Variants in QTGAL observed in about 807,000 individuals in gnomAD.
QTGAL encodes queuosine-tRNA galactosyltransferase.
At chr17:82,949,911 G>T in the QTGAL span, 1 of 152,238 alleles carries the variant, frequency 6.6e-6, no homozygotes, top group Non-Finnish European at 1.5e-5. Flanking sequence ...GGATTTGGAG[G>T]TGTGGAGGAC....
At chr17:82,997,949 C>A in the QTGAL span, among the ~76,000 whole-genome samples, 3,645 of 123,638 alleles carry the variant, frequency 0.029, 56 homozygotes, top group Non-Finnish European at 0.04. Context: ...ATATATATAT[C>A]TATATCTATC....
the QTGAL span, among the ~76,000 whole-genome samples, chr17:83,035,868 TGC>T: frequency 8.6e-6 from 1 of 116,714 alleles, no homozygotes; most frequent in Non-Finnish European, 1.9e-5. Context: ...GAGGGCGGTT[TGC>T]ACGTGTGTGA....
the QTGAL span, among the ~76,000 whole-genome samples, chr17:82,954,205 T>A: frequency 2.6e-5 from 4 of 152,148 alleles, no homozygotes; most frequent in African/African-American, 4.8e-5. Flanking sequence ...AGTCAAATTG[T>A]CTCTGTTTGC....
At chr17:83,016,586 G>GA in the QTGAL span, among the ~76,000 whole-genome samples, 1 of 148,632 alleles carries the variant, frequency 6.7e-6, no homozygotes, top group African/African-American at 2.5e-5. Flanking sequence ...GAGTGGAGGA[G>GA]GGAGAAGGGG....
the QTGAL span, among the ~76,000 whole-genome samples, chr17:83,032,996 T>A: frequency 1.3e-5 from 2 of 152,156 alleles, no homozygotes; most frequent in Admixed American, 1.3e-4. Context: ...GGCTCCCGCG[T>A]AAATCCCCGC....
chr17:83,045,089 A>G, the QTGAL span, among the ~76,000 whole-genome samples: 1 of 152,260 alleles, frequency 6.6e-6, no homozygotes, highest in African/African-American at 2.4e-5. Context: ...AGAGCTAATA[A>G]TTGTAGGATA....
At chr17:82,952,290 A>G in the QTGAL span, among the ~76,000 whole-genome samples, 3 of 152,146 alleles carry the variant, frequency 2.0e-5, no homozygotes, top group Admixed American at 6.5e-5. Flanking sequence ...ACAGGTGCCC[A>G]TGTCTGTGTG....
chr17:82,958,373 C>T, the QTGAL span, among the ~76,000 whole-genome samples: 2 of 152,248 alleles, frequency 1.3e-5, no homozygotes, highest in African/African-American at 2.4e-5. Flanking sequence ...GTCAAGGGAG[C>T]TGTGTCCGTG....
chr17:82,990,032 ATCT>A, the QTGAL span, among the ~76,000 whole-genome samples: 1 of 152,240 alleles, frequency 6.6e-6, no homozygotes, highest in South Asian at 2.1e-4. Context: ...GCTCACATTC[ATCT>A]TCTCTGCGGC....
the QTGAL span, among the ~76,000 whole-genome samples, chr17:82,987,965 T>C: frequency 6.6e-6 from 1 of 152,184 alleles, no homozygotes; most frequent in Non-Finnish European, 1.5e-5. Context: ...GGTTTGTAGT[T>C]CTCCTTGAAG....
chr17:82,951,707 C>A, the QTGAL span, among the ~76,000 whole-genome samples: 31 of 145,536 alleles, frequency 2.1e-4, no homozygotes, highest in African/African-American at 6.9e-4. Flanking sequence ...ACGTGCGACT[C>A]TTCCTTTCAC....
the QTGAL span, among the ~76,000 whole-genome samples, chr17:82,955,474 C>T: frequency 6.6e-6 from 1 of 152,100 alleles, no homozygotes; most frequent in South Asian, 2.1e-4. Flanking sequence ...GTCAGAATGG[C>T]GATTTCTAAA....
chr17:83,037,527 C>T, the QTGAL span, among the ~76,000 whole-genome samples: 9,640 of 152,240 alleles, frequency 0.063, 1,045 homozygotes, highest in African/African-American at 0.22. The surrounding 1 kb of genome is among the most constrained non-coding windows in gnomAD (Gnocchi z 5.2). Flanking sequence ...GGGAGGCGAG[C>T]GCCTGTTCTG....
At chr17:82,946,930 C>T in the QTGAL span, 1 of 1,569,594 alleles carries the variant, frequency 6.4e-7, no homozygotes, top group Non-Finnish European at 8.6e-7. Flanking sequence ...AGTCCTGGCC[C>T]TCCTGCAAGT....
chr17:82,965,200 CG>C, the QTGAL span, among the ~76,000 whole-genome samples: 2 of 139,378 alleles, frequency 1.4e-5, no homozygotes, highest in African/African-American at 5.7e-5. Context: ...TGCACTCCCA[CG>C]GGGGGGACGG....
chr17:82,963,372 G>A, the QTGAL span, among the ~76,000 whole-genome samples: 19 of 152,292 alleles, frequency 1.2e-4, no homozygotes, highest in East Asian at 3.5e-3. Flanking sequence ...CAGTCACCAC[G>A]CGGGGACAGA....
chr17:83,000,161 C>A, the QTGAL span, among the ~76,000 whole-genome samples: 4 of 152,228 alleles, frequency 2.6e-5, no homozygotes, highest in African/African-American at 4.8e-5. Context: ...CGGGGTTTCA[C>A]CATCTTGGCC....
the QTGAL span, chr17:83,035,025 A>G: frequency 6.3e-7 from 1 of 1,588,718 alleles, no homozygotes; most frequent in South Asian, 1.1e-5. Flanking sequence ...AACAAAAGAA[A>G]GTTACTTACC....
At chr17:83,008,815 G>A in the QTGAL span, among the ~76,000 whole-genome samples, 17 of 151,544 alleles carry the variant, frequency 1.1e-4, no homozygotes, top group Admixed American at 2.6e-4. Flanking sequence ...GATCCCTGCC[G>A]CCGAGCGAGT....
Sources: gnomAD v4.1 joint callset for allele counts (sites outside exome capture counted in the v4.1 genomes callset) on GRCh38, gnomAD v4.1.1 for gene constraint, Gnocchi (gnomAD v3.1) non-coding constraint, MANE v1.5 for transcripts, NCBI Gene and HGNC (gene_info 2026-07-23, HGNC 2026-07-21) for gene names.